The following GLRA1 variants were observed in gnomAD, a reference collection of about 807,000 sequenced individuals.
GLRA1 encodes glycine receptor subunit alpha-1.
A neutral mutation model predicts 48.3 loss-of-function variants in GLRA1; 37 were observed. The observed-to-expected ratio is 0.77, with a 90% CI of 0.59 to 1.01. GLRA1 has a LOEUF of 1.01. GLRA1 is among the 50% of genes least tolerant of loss of function. The probability of loss-of-function intolerance (pLI) is 0.00; values close to 1 mark genes in which losing one functional copy is unlikely to be tolerated. For missense variants in GLRA1, 427 were observed against 571.0 expected (o/e 0.75, Z 2.57); for synonymous variants, 196 against 210.7 (o/e 0.93, Z 0.60).
chr5:151,915,419 A>C (rs1402372300), intron 1 of GLRA1, among the ~76,000 whole-genome samples: 1 of 152,192 alleles, frequency 6.6e-6, no homozygotes, highest in African/African-American at 2.4e-5. Flanking sequence ...ACATGTTTTC[A>C]TAAAGTTGTA....
chr5:151,914,646 C>T (rs1754694464), intron 1 of GLRA1, among the ~76,000 whole-genome samples: 1 of 152,138 alleles, frequency 6.6e-6, no homozygotes, highest in South Asian at 2.1e-4. Context: ...AGCTAGCTTT[C>T]TCAATGAAAT....
At chr5:151,856,214 T>A in intron 5 of GLRA1, 87 bp downstream of exon 5, 4 of 858,384 alleles carry the variant, frequency 4.7e-6, no homozygotes, top group Non-Finnish European at 6.0e-6. Context: ...GGTCTAGTGG[T>A]TAGGAGCAGC....
In GLRA1 at chr5:151,872,988, A is replaced by G. The variant is rs956178485; in HGVS notation, c.253-12980T>C. Among the ~76,000 whole-genome samples, 74 of 149,896 alleles carry G rather than the reference A, an allele frequency of 4.9e-4. 11 individuals carry two copies. Among genetic ancestry groups the G allele is most frequent in the African/African-American group, 1.9e-3 (73 of 39,272 alleles). Reference sequence around the variant, plus strand: ...AGTATGGTGTCCACTAAATTTTATTACCTCAGGATAGGACAAAGGGAATTG... The same window carrying G: ...AGTATGGTGTCCACTAAATTTTATTGCCTCAGGATAGGACAAAGGGAATTG... On this transcript the variant is annotated intron_variant, in intron 3 of 8. Coordinates refer to ENST00000274576, the MANE Select transcript of GLRA1 (RefSeq NM_000171.4).
intron 1 of GLRA1, among the ~76,000 whole-genome samples, chr5:151,910,946 C>T (rs773724619): frequency 5.3e-5 from 8 of 152,100 alleles, no homozygotes; most frequent in African/African-American, 9.7e-5. Flanking sequence ...TGTATCTATC[C>T]CCAGAACTTA....
intron 6 of GLRA1, 59 bp from the exon 7 acceptor site, chr5:151,851,663 G>T: frequency 8.7e-7 from 1 of 1,145,504 alleles, no homozygotes; most frequent in Non-Finnish European, 1.3e-6. Context: ...AAAGGCTTTA[G>T]GATTAGAACA....
chr5:151,892,215 A>T, intron 2 of GLRA1, 96 bp downstream of exon 2: 1 of 1,120,112 alleles, frequency 8.9e-7, no homozygotes, highest in South Asian at 1.2e-5. Flanking sequence ...TGGGATTCAC[A>T]CTGCGTATTT....
At chr5:151,875,865 GC>G (rs1753614288) in intron 3 of GLRA1, among the ~76,000 whole-genome samples, 1 of 152,206 alleles carries the variant, frequency 6.6e-6, no homozygotes, top group Non-Finnish European at 1.5e-5. Flanking sequence ...CAGGAGTCAG[GC>G]AGCCTGGGGA....
At chr5:151,921,006 G>A (rs867275680) in intron 1 of GLRA1, among the ~76,000 whole-genome samples, 1 of 152,216 alleles carries the variant, frequency 6.6e-6, no homozygotes, top group Admixed American at 6.5e-5. Flanking sequence ...TGATCCTAAT[G>A]TGGATAGAAA....
At chr5:151,902,624 A>G (rs1382076998) in intron 1 of GLRA1, among the ~76,000 whole-genome samples, 1 of 152,072 alleles carries the variant, frequency 6.6e-6, no homozygotes, top group Non-Finnish European at 1.5e-5. Context: ...TTATTATTTC[A>G]TTTACTTATT....
intron 8 of GLRA1, among the ~76,000 whole-genome samples, chr5:151,824,200 T>TGA (rs1763215780): frequency 6.6e-6 from 1 of 151,852 alleles, no homozygotes; most frequent in Non-Finnish European, 1.5e-5. Flanking sequence ...GGTCTCGCTA[T>TGA]GTTGCCCAGT....
At chr5:151,910,066 A>G (rs932723833) in intron 1 of GLRA1, among the ~76,000 whole-genome samples, 1 of 152,212 alleles carries the variant, frequency 6.6e-6, no homozygotes, top group African/African-American at 2.4e-5. Context: ...CTTCCAGCAC[A>G]ATGACTTCTG....
chr5:151,915,343 A>T (rs1754713312), intron 1 of GLRA1, among the ~76,000 whole-genome samples: 1 of 152,190 alleles, frequency 6.6e-6, no homozygotes, highest in Non-Finnish European at 1.5e-5. Flanking sequence ...TCAACATATA[A>T]GATGCATTTT....
At chr5:151,894,560 C>T (rs558882163) in intron 1 of GLRA1, among the ~76,000 whole-genome samples, 1 of 152,294 alleles carries the variant, frequency 6.6e-6, no homozygotes, top group South Asian at 2.1e-4. Flanking sequence ...CACTACCCCC[C>T]ATAAACTCAC....
At chr5:151,840,349 TC>T (rs1561550662) in intron 7 of GLRA1, among the ~76,000 whole-genome samples, 1 of 152,104 alleles carries the variant, frequency 6.6e-6, no homozygotes, top group Non-Finnish European at 1.5e-5. Context: ...CCTACCTGCC[TC>T]AGCCTCCCAA....
chr5:151,905,814 C>G (rs1754460477), intron 1 of GLRA1, among the ~76,000 whole-genome samples: 1 of 152,170 alleles, frequency 6.6e-6, no homozygotes, highest in African/African-American at 2.4e-5. Flanking sequence ...TCACATTGCC[C>G]ATGAAATTGT....
chr5:151,863,104 C>T (rs1238823087), intron 3 of GLRA1, among the ~76,000 whole-genome samples: 1 of 152,150 alleles, frequency 6.6e-6, no homozygotes, highest in Non-Finnish European at 1.5e-5. Context: ...AGAAATATTT[C>T]CATTAAGAAA....
intron 1 of GLRA1, among the ~76,000 whole-genome samples, chr5:151,903,507 G>A (rs1754410525): frequency 6.6e-6 from 1 of 152,150 alleles, no homozygotes; most frequent in Non-Finnish European, 1.5e-5. Context: ...TATGCTCAGT[G>A]GGGTGGAACT....
intron 7 of GLRA1, among the ~76,000 whole-genome samples, chr5:151,848,622 A>AC (rs1264363939): frequency 6.6e-6 from 1 of 151,990 alleles, no homozygotes; most frequent in Non-Finnish European, 1.5e-5. Context: ...ATTCTGTGTG[A>AC]CCCCTCATGG....
intron 2 of GLRA1, among the ~76,000 whole-genome samples, chr5:151,890,017 G>A (rs1049115186): frequency 1.1e-4 from 17 of 152,100 alleles, no homozygotes; most frequent in Admixed American, 1.1e-3. Flanking sequence ...TTCTCAGAGT[G>A]GGAAGGTTGG....
Sources: allele counts gnomAD v4.1 joint callset (sites outside exome capture counted in the v4.1 genomes callset), GRCh38; gene constraint gnomAD v4.1.1; transcripts MANE v1.5; gene names NCBI Gene and HGNC (gene_info 2026-07-23, HGNC 2026-07-21).